Variants in CCDC39 observed in about 807,000 individuals in gnomAD.
CCDC39 encodes the protein coiled-coil domain-containing protein 39.
CCDC39 carries 113 observed loss-of-function variants against 121.0 expected under a neutral mutation model. The observed-to-expected ratio is 0.93, with a 90% confidence interval of 0.80 to 1.09. The LOEUF (loss-of-function observed/expected upper bound fraction) is 1.09, where lower values mean the gene tolerates loss of function less well. Among genes scored for constraint, CCDC39 ranks in the 50% least tolerant of loss-of-function variants. CCDC39 has a pLI of 0.00. For missense variants in CCDC39, 1,063 were observed against 1,074.7 expected, an observed-to-expected ratio of 0.99 and a Z score of 0.15; for synonymous variants, 349 against 352.2, an observed-to-expected ratio of 0.99 and a Z score of 0.10.
chr3:180,671,482 C>G (rs1222228915), intron 1 of CCDC39, among the ~76,000 whole-genome samples: 1 of 152,140 alleles, frequency 6.6e-6, no homozygotes, highest in Non-Finnish European at 1.5e-5. Flanking sequence ...ACTGGCTCAC[C>G]CTTGAATTAT....
chr3:180,632,587 T>G (rs1483641328), intron 13 of CCDC39, among the ~76,000 whole-genome samples: 2 of 152,042 alleles, frequency 1.3e-5, no homozygotes, highest in Admixed American at 1.3e-4. Flanking sequence ...TTCAAGATTG[T>G]GGACCAAGCA....
chr3:180,640,599 A>G (rs1193511542), intron 13 of CCDC39, among the ~76,000 whole-genome samples: 1 of 152,200 alleles, frequency 6.6e-6, no homozygotes, highest in Admixed American at 6.5e-5. Flanking sequence ...ATATAAAAGG[A>G]ATCATCTCTA....
chr3:180,656,502 G>A (rs1711583694), intron 6 of CCDC39, among the ~76,000 whole-genome samples: 1 of 152,156 alleles, frequency 6.6e-6, no homozygotes, highest in African/African-American at 2.4e-5. Flanking sequence ...TATAATATCA[G>A]TTAGGAGATA....
rs1158040531 is a variant in CCDC39 at position 180,679,322 on chromosome 3, G to A, written c.59C>T (p.Ala20Val). The change falls in exon 1 of 20, where the codon GCG becomes GTG. Residue 20 changes from alanine to valine, a missense_variant. By Grantham distance (64) the Ala-to-Val change is moderately conservative (BLOSUM62 0). Transcript: ENST00000476379. The surrounding 1 kb of genome is among the most constrained non-coding windows in gnomAD (Gnocchi z 4.0). ...HWEDGFAIPV[A>V]NEENKLLEDQ... is the part of the protein sequence containing the mutation. ...TTCCAGTAGCTTGTTCTCCTCGTTC[G>A]CCACCGGGATGGCGAACCCATCCTC... 2 of 1,613,756 alleles carry A rather than the reference G, an allele frequency of 1.2e-6. No homozygotes were observed. The highest frequency in any genetic ancestry group is 4.5e-5 in the East Asian group (2 of 44,876).
intron 6 of CCDC39, among the ~76,000 whole-genome samples, 156 bp downstream of exon 6, chr3:180,659,296 A>C (rs1471703830): frequency 2.0e-5 from 3 of 152,228 alleles, no homozygotes; most frequent in Non-Finnish European, 4.4e-5. Context: ...TTCCAAATGG[A>C]TATAGAGTCA....
intron 1 of CCDC39, among the ~76,000 whole-genome samples, chr3:180,665,465 C>T (rs1560093876): frequency 6.6e-6 from 1 of 151,884 alleles, no homozygotes; most frequent in Non-Finnish European, 1.5e-5. Context: ...ATTAGAATTT[C>T]AATTTAAGAA....
At chr3:180,631,372 A>G in intron 14 of CCDC39, 97 bp downstream of exon 14, 1 of 1,149,218 alleles carries the variant, frequency 8.7e-7, no homozygotes, top group Non-Finnish European at 1.2e-6. Flanking sequence ...GGAAAGTTGC[A>G]ATATTGTTGT....
chr3:180,644,481 T>C (rs572561772), intron 11 of CCDC39, among the ~76,000 whole-genome samples: 1 of 152,294 alleles, frequency 6.6e-6, no homozygotes, highest in African/African-American at 2.4e-5. Context: ...TTGGATGTAG[T>C]ATGAGTTCAG....
At chr3:180,671,210 CAAAAAAAAAA>C (rs67323828) in intron 1 of CCDC39, among the ~76,000 whole-genome samples, 3 of 78,390 alleles carry the variant, frequency 3.8e-5, no homozygotes, top group Non-Finnish European at 8.2e-5. Flanking sequence ...GACTCTGTGT[CAAAAAAAAAA>C]AAAAAAAAAA....
At position 180,659,528 on chromosome 3, in the gene CCDC39, T is replaced by C. The variant is rs375385797; in HGVS notation, c.662A>G (p.Gln221Arg). 11 of 1,613,312 alleles carry C rather than the reference T, an allele frequency of 6.8e-6. No homozygotes were observed. In the African/African-American group the frequency reaches 8.0e-5, roughly 12 times the overall value. Residue 221 changes from glutamine to arginine, a missense_variant, in exon 6 of 20, where the codon CAA becomes CGA. Physicochemically the swap from Gln to Arg is conservative, Grantham distance 43. Coordinates refer to ENST00000476379, the MANE Select transcript of CCDC39 (RefSeq NM_181426.2). ...QDFRKIHNERQELIKQWENTI... is the reference protein window; with the variant it reads ...QDFRKIHNERRELIKQWENTI... The stretch of plus-strand genomic sequence containing the variant: ...GTTCTCCCATTGTTTAATGAGTTCT[T>C]GTCTTTCATTATGAATCTTACGAAA...
intron 9 of CCDC39, among the ~76,000 whole-genome samples, chr3:180,648,620 T>C (rs1381569939): frequency 6.6e-6 from 1 of 152,174 alleles, no homozygotes; most frequent in Non-Finnish European, 1.5e-5. Flanking sequence ...TACCCTAGCC[T>C]AGCAGTTGGT....
At chr3:180,668,078 G>A (rs1711935143) in intron 1 of CCDC39, among the ~76,000 whole-genome samples, 1 of 152,130 alleles carries the variant, frequency 6.6e-6, no homozygotes. Context: ...GCAACACCCA[G>A]AAGTTATTAC....
intron 16 of CCDC39, among the ~76,000 whole-genome samples, chr3:180,618,911 T>G (rs1717348314): frequency 6.6e-6 from 1 of 152,130 alleles, no homozygotes; most frequent in South Asian, 2.1e-4. Flanking sequence ...TCTACTAGAT[T>G]ATTATTTTTT....
chr3:180,647,365 T>G, intron 10 of CCDC39, 122 bp from the exon 11 acceptor site: 1 of 800,994 alleles, frequency 1.2e-6, no homozygotes, highest in East Asian at 2.8e-5. Flanking sequence ...ATAAAGTCAC[T>G]TTAGTCTTTC....
chr3:180,658,490 C>T (rs1396608685), intron 6 of CCDC39, among the ~76,000 whole-genome samples: 1 of 148,448 alleles, frequency 6.7e-6, no homozygotes, highest in Admixed American at 6.7e-5. Flanking sequence ...CCCAGCTACT[C>T]GGAGGCTGAG....
chr3:180,659,743 T>C lies in CCDC39; in HGVS notation c.543A>G (p.Leu181=), dbSNP rs749280706. 3.1e-6 allele frequency: 5 copies of C among 1,611,738 alleles called. No homozygotes were observed. The highest frequency in any genetic ancestry group is 4.2e-6 in the Non-Finnish European group (5 of 1,178,806). ...IRALTLQLER[L]TLECNQKRKI... is the part of the protein sequence containing the mutation. Reference sequence around the variant, plus strand: ...TTCTTTTCTGATTACATTCCAAAGTTAGTCTTTCTAATTGCAGAGTCAGTG... The same window carrying C: ...TTCTTTTCTGATTACATTCCAAAGTCAGTCTTTCTAATTGCAGAGTCAGTG... Residue 181 remains leucine, a synonymous_variant, in exon 5 of 20, where the codon CTA becomes CTG. Transcript: ENST00000476379.
Position 180,679,177 on chromosome 3 carries a change from G to A in CCDC39, c.90+114C>T. 6.2e-6 allele frequency: 5 copies of A among 808,050 alleles called. No individual in the cohort carries two copies. In the South Asian group the frequency reaches 6.8e-5, roughly 11 times the overall value. The allele number at this position is 808,050 out of a possible 1,614,324, so 50.1% of individuals were successfully genotyped here. On this transcript the variant is annotated intron_variant, in intron 1 of 19. Transcript: ENST00000476379. The surrounding 1 kb of genome is among the most constrained non-coding windows in gnomAD (Gnocchi z 4.0). The stretch of plus-strand genomic sequence containing the variant: ...GCGATGGTGCGGGGGAGTGTTAGAG[G>A]AAGCACAGGATTAGGAAAGGAGAGA...
At position 180,619,927 on chromosome 3, in the gene CCDC39, A is replaced by G. The variant is rs527502014; in HGVS notation, c.2042T>C (p.Leu681Ser). 2 of 1,609,704 alleles carry G rather than the reference A, an allele frequency of 1.2e-6. No homozygotes were observed. The highest frequency in any genetic ancestry group is 1.1e-5 in the South Asian group (1 of 90,566). ...KEELQREGDC[L>S]DAKINKAEKE... The stretch of plus-strand genomic sequence containing the variant: ...TTCAGCTTTGTTGATCTTGGCATCC[A>G]AACAGTCACCTTCCCTTTGAAGTTC... The change falls in exon 15 of 20, where the codon TTG (leucine) becomes TCG (serine). Residue 681 changes from leucine to serine, a missense_variant. Leu to Ser is a moderately radical substitution (Grantham distance 145). Coordinates refer to ENST00000476379, the MANE Select transcript of CCDC39 (RefSeq NM_181426.2).
At chr3:180,630,920 A>G (rs1298869623) in intron 14 of CCDC39, among the ~76,000 whole-genome samples, 1 of 152,172 alleles carries the variant, frequency 6.6e-6, no homozygotes, top group Non-Finnish European at 1.5e-5. Context: ...TTTAAAATTC[A>G]GAGGTGGTGT....
Sources: gnomAD v4.1 joint callset for allele counts (sites outside exome capture counted in the v4.1 genomes callset) on GRCh38, gnomAD v4.1.1 for gene constraint, Gnocchi (gnomAD v3.1) non-coding constraint, MANE v1.5 for transcripts, NCBI Gene and HGNC (gene_info 2026-07-23, HGNC 2026-07-21) for gene names.